The following FLVCR2 variants were observed in gnomAD, a reference collection of about 807,000 sequenced individuals.
FLVCR2 encodes the protein FLVCR choline and putative heme transporter 2.
FLVCR2 carries 38 observed loss-of-function variants against 48.9 expected under a neutral mutation model. The observed-to-expected ratio is 0.78, with a 90% CI of 0.60 to 1.02. The LOEUF is 1.02. Ranked by LOEUF, FLVCR2 falls within the 50% of genes least tolerant of loss-of-function variation. The probability of loss-of-function intolerance (pLI) is 0.00; values close to 1 mark genes in which losing one functional copy is unlikely to be tolerated. For synonymous variants in FLVCR2, 255 were observed against 257.0 expected, an observed-to-expected ratio of 0.99 and a Z score of 0.07; for missense variants, 664 against 663.3, an observed-to-expected ratio of 1.00 and a Z score of -0.01.
chr14:75,633,683 T>C lies in FLVCR2; in HGVS notation c.1007T>C (p.Ile336Thr). Reference sequence around the variant, plus strand: ...TCCACTCTTCTGAATCGCATGGTGATCTGGCACTACCCGGTAAGGGAGTTC... The same window carrying C: ...TCCACTCTTCTGAATCGCATGGTGACCTGGCACTACCCGGTAAGGGAGTTC... ...ALSTLLNRMV[I>T]WHYPGEEVNA... The change falls in exon 4 of 10, where the codon ATC (isoleucine) becomes ACC (threonine). Residue 336 changes from isoleucine (I) to threonine (T), a missense_variant. By Grantham distance (89) the Ile-to-Thr change is moderately conservative. Coordinates refer to ENST00000238667, the MANE Select transcript of FLVCR2 (RefSeq NM_017791.3). The C allele has an allele frequency of 6.2e-7, 1 of 1,613,742 alleles. No individual in the cohort carries two copies. Among genetic ancestry groups the C allele is most frequent in the Non-Finnish European group, 8.5e-7 (1 of 1,179,608 alleles).
At chr14:75,633,579 C>A (rs370436338) in intron 3 of FLVCR2, 50 bp from the exon 4 acceptor site, 316 of 1,441,790 alleles carry the variant, frequency 2.2e-4, no homozygotes, top group Non-Finnish European at 3.0e-4. Context: ...TTAGCAATGG[C>A]CCCAGAAGAA....
At chr14:75,637,601 G>A (rs1192501336) in intron 5 of FLVCR2, among the ~76,000 whole-genome samples, 2 of 151,768 alleles carry the variant, frequency 1.3e-5, no homozygotes, top group African/African-American at 4.8e-5. Flanking sequence ...CGTGGTGGCG[G>A]GCCCCTGTAG....
Position 75,641,904 on chromosome 14 carries a change from T to C in FLVCR2, c.1509+6T>C. The C allele has an allele frequency of 6.2e-7, 1 of 1,613,430 alleles. No homozygotes were observed. The highest frequency in any genetic ancestry group is 1.7e-5 in the Admixed American group (1 of 60,016). ...ACAAAGAAACTCTTGAGAACGTGAG[T>C]ATATGGGAGCTTTGTGGGGCTGAGA... On this transcript the variant is annotated splice_donor_region_variant and intron_variant, in intron 9 of 9. Transcript: ENST00000238667.
intron 1 of FLVCR2, chr14:75,605,635 A>G: frequency 1.3e-6 from 2 of 1,535,548 alleles, no homozygotes; most frequent in South Asian, 2.4e-5. Context: ...GTGAGGATAG[A>G]TCTTACTTCC....
chr14:75,600,815 T>C (rs1418303776), intron 1 of FLVCR2, among the ~76,000 whole-genome samples: 1 of 151,842 alleles, frequency 6.6e-6, no homozygotes, highest in African/African-American at 2.4e-5. Context: ...TATTTGCAAA[T>C]CTTATATCTG....
intron 1 of FLVCR2, 53 bp downstream of exon 1, chr14:75,579,694 A>G (rs1888547554): frequency 1.3e-6 from 2 of 1,581,428 alleles, no homozygotes; most frequent in Admixed American, 1.7e-5. Flanking sequence ...GATTGCACCT[A>G]ACTATTGGGT....
intron 1 of FLVCR2, among the ~76,000 whole-genome samples, chr14:75,596,920 T>C (rs1889037766): frequency 6.6e-6 from 1 of 152,168 alleles, no homozygotes; most frequent in Non-Finnish European, 1.5e-5. Flanking sequence ...GTTTTTTAAA[T>C]GCTGGTAACT....
intron 1 of FLVCR2, among the ~76,000 whole-genome samples, chr14:75,611,614 TG>T (rs200868762): frequency 0.024 from 3,668 of 152,104 alleles, 58 homozygotes; most frequent in African/African-American, 0.052. Context: ...GGCGCATGTC[TG>T]TGGTCGCAGC....
chr14:75,586,604 AC>A (rs1888754785), intron 1 of FLVCR2, among the ~76,000 whole-genome samples: 1 of 152,088 alleles, frequency 6.6e-6, no homozygotes, highest in Non-Finnish European at 1.5e-5. Context: ...ACTTTACAAA[AC>A]TTCTCTAAAG....
In FLVCR2 at chr14:75,609,462, A is replaced by G. The variant is rs1047584696; in HGVS notation, c.670-12617A>G. 7.2e-5 allele frequency among the ~76,000 whole-genome samples: 11 copies of G among 152,282 alleles called. No individual in the cohort carries two copies. The Middle Eastern group carries it at 0.01, about 141-fold the overall frequency. ...AGGGCGTTATAGATGTGAGTGACTA[A>G]TAGTTTTTTTGGTGTAAGCTTGAGA... On this transcript the variant is annotated intron_variant, in intron 1 of 9. Coordinates refer to ENST00000238667, the MANE Select transcript of FLVCR2 (RefSeq NM_017791.3).
intron 3 of FLVCR2, among the ~76,000 whole-genome samples, chr14:75,626,113 T>C (rs1175416967): frequency 6.6e-6 from 1 of 152,170 alleles, no homozygotes; most frequent in Non-Finnish European, 1.5e-5. Flanking sequence ...TGCCTCAGCC[T>C]CCCGAGTAGC....
intron 1 of FLVCR2, among the ~76,000 whole-genome samples, chr14:75,592,689 T>TA (rs1475592878): frequency 6.6e-6 from 1 of 152,172 alleles, no homozygotes; most frequent in Non-Finnish European, 1.5e-5. Context: ...TTTTGCTGCT[T>TA]AGAAATTTTT....
At chr14:75,641,345 C>T in intron 8 of FLVCR2, 52 bp downstream of exon 8, 1 of 1,224,360 alleles carries the variant, frequency 8.2e-7, no homozygotes, top group South Asian at 1.2e-5. Context: ...ATTTGGGACC[C>T]TAGTGTCTCG....
At chr14:75,583,551 G>A (rs1448469433) in intron 1 of FLVCR2, among the ~76,000 whole-genome samples, 5 of 152,084 alleles carry the variant, frequency 3.3e-5, no homozygotes, top group African/African-American at 4.8e-5. Flanking sequence ...AGGAAGACGC[G>A]AAGGAGGCTT....
intron 1 of FLVCR2, 29 bp downstream of exon 1, chr14:75,579,670 A>G (rs1371420384): frequency 1.2e-6 from 2 of 1,611,708 alleles, no homozygotes; most frequent in Non-Finnish European, 1.7e-6. Flanking sequence ...GAATGTTCCC[A>G]GGGGCGTGTG....
rs752957345 is a variant in FLVCR2 at position 75,605,523 on chromosome 14, G to A, written c.670-16556G>A. 18 of 1,533,656 alleles carry A rather than the reference G, an allele frequency of 1.2e-5. No individual in the cohort carries two copies. The South Asian group carries it at 2.0e-4, about 17-fold the overall frequency. On this transcript the variant is annotated intron_variant, in intron 1 of 9. Transcript: ENST00000238667. ...TTTTTCATGCTGTGCAAAAACTTGA[G>A]CTCAGCCTCTCACCCCAACACAATT...
Position 75,629,113 on chromosome 14 carries a change from G to A in FLVCR2, c.952+4361G>A, listed in dbSNP as rs1411128660. Reference sequence around the variant, plus strand: ...ATAATTGAAGGCCTTGGAGGAAATCGAGGGTCCAAGTGTTGCTGGCTTTTC... The same window carrying A: ...ATAATTGAAGGCCTTGGAGGAAATCAAGGGTCCAAGTGTTGCTGGCTTTTC... On this transcript the variant is annotated intron_variant, in intron 3 of 9. Coordinates refer to ENST00000238667, the MANE Select transcript of FLVCR2 (RefSeq NM_017791.3). 3.9e-5 allele frequency among the ~76,000 whole-genome samples: 6 copies of A among 152,180 alleles called. No homozygotes were observed. The South Asian group carries it at 1.2e-3, about 31-fold the overall frequency.
intron 7 of FLVCR2, 35 bp downstream of exon 7, chr14:75,641,095 G>A: frequency 6.3e-7 from 1 of 1,581,386 alleles, no homozygotes; most frequent in African/African-American, 1.3e-5. Flanking sequence ...TTCCTGGCTG[G>A]GAAGGCATTG....
chr14:75,645,776 G>A (rs1890406850), intron 9 of FLVCR2, among the ~76,000 whole-genome samples: 1 of 151,966 alleles, frequency 6.6e-6, no homozygotes. Flanking sequence ...AAATTAACTG[G>A]GCATGGTGGT....
Sources: gnomAD v4.1 joint callset for allele counts (sites outside exome capture counted in the v4.1 genomes callset) on GRCh38, gnomAD v4.1.1 for gene constraint, MANE v1.5 for transcripts, NCBI Gene and HGNC (gene_info 2026-07-23, HGNC 2026-07-21) for gene names.